The following NAA15 variants were observed in gnomAD, a reference collection of about 807,000 sequenced individuals.
NAA15 encodes the protein N-alpha-acetyltransferase 15, NatA auxiliary subunit.
In NAA15, 34 loss-of-function variants were observed where a neutral mutation model predicts 114.0. The ratio of observed to expected loss-of-function variants is 0.30; its 90% CI spans 0.23 to 0.40. The LOEUF is 0.40. Among genes scored for constraint, NAA15 ranks in the 10% least tolerant of loss-of-function variants. The pLI is 1.00. For missense variants in NAA15, 658 were observed against 1,004.5 expected, an observed-to-expected ratio of 0.66 and a Z score of 4.66; for synonymous variants, 340 against 338.0, an observed-to-expected ratio of 1.01 and a Z score of -0.06.
Position 139,387,866 on chromosome 4 carries a change from C to G in NAA15, c.2401-18C>G. On this transcript the variant is annotated intron_variant, in intron 19 of 19. Transcript: ENST00000296543. ...CTTTTTTTGACCAGTTACAACATGACTTTTTTTCTTTCCTTAGACATGTAT... is the reference window on the plus strand; with the variant it reads ...CTTTTTTTGACCAGTTACAACATGAGTTTTTTTCTTTCCTTAGACATGTAT... 1.2e-6 allele frequency: 2 copies of G among 1,603,734 alleles called. No homozygotes were observed. The highest frequency in any genetic ancestry group is 8.5e-7 in the Non-Finnish European group (1 of 1,174,758).
chr4:139,322,116 G>A (rs1241845915), intron 1 of NAA15, among the ~76,000 whole-genome samples: 7 of 152,104 alleles, frequency 4.6e-5, no homozygotes, highest in African/African-American at 1.7e-4. Context: ...AATAAAGATG[G>A]GTTGATATGG....
rs1373720261 is a variant in NAA15 at position 139,342,836 on chromosome 4, A to G, written c.413A>G (p.Tyr138Cys). The G allele has an allele frequency of 3.1e-6, 5 of 1,610,018 alleles. No homozygotes were observed. Residue 138 changes from tyrosine to cysteine, a missense_variant, in exon 5 of 20, where the codon TAT becomes TGT. Physicochemically the swap from Tyr to Cys is radical, Grantham distance 194. Around this residue, in one of 6 missense-constraint regions of NAA15, gnomAD observed 75 missense variants for 172.3 expected, o/e 0.44. Transcript: ENST00000296543. ...RDLEGYRETRYQLLQLRPAQR... is the reference protein window; with the variant it reads ...RDLEGYRETRCQLLQLRPAQR... Reference sequence around the variant, plus strand: ...TTTTTCCTTTTAAAGGAAACGAGGTATCAGTTACTTCAGCTTCGACCTGCG... The same window carrying G: ...TTTTTCCTTTTAAAGGAAACGAGGTGTCAGTTACTTCAGCTTCGACCTGCG...
At position 139,369,849 on chromosome 4, in the gene NAA15, G is replaced by T. The variant is rs528001515; in HGVS notation, c.1754-362G>T. On this transcript the variant is annotated intron_variant, in intron 14 of 19. Coordinates refer to ENST00000296543, the MANE Select transcript of NAA15 (RefSeq NM_057175.5). Reference sequence around the variant, plus strand: ...GACAGAGTTTCGCTCTTGTTTCCTAGGCTGGAGTGTAGTGGTGTGATCTTG... The same window carrying T: ...GACAGAGTTTCGCTCTTGTTTCCTATGCTGGAGTGTAGTGGTGTGATCTTG... Among the ~76,000 whole-genome samples, 23 of 151,938 alleles carry T rather than the reference G, an allele frequency of 1.5e-4. No homozygotes were observed. In the South Asian group the frequency reaches 3.5e-3, roughly 23 times the overall value.
chr4:139,364,180 T>C (rs1579125717), intron 14 of NAA15, among the ~76,000 whole-genome samples: 1 of 152,380 alleles, frequency 6.6e-6, no homozygotes, highest in Middle Eastern at 3.4e-3. Flanking sequence ...TTGACCAATT[T>C]CTAGATTTTT....
chr4:139,319,163 G>A (rs927230537), intron 1 of NAA15, among the ~76,000 whole-genome samples: 2 of 152,034 alleles, frequency 1.3e-5, no homozygotes, highest in South Asian at 2.1e-4. Context: ...GCATGGTGGC[G>A]CATGCCTGTA....
chr4:139,360,668 G>C (rs202179779), intron 13 of NAA15, 40 bp downstream of exon 13: 1 of 1,523,298 alleles, frequency 6.6e-7, no homozygotes, highest in African/African-American at 1.4e-5. Context: ...GTTTTATTCT[G>C]TCGATGGTTT....
chr4:139,333,370 T>G (rs760477809), intron 1 of NAA15, among the ~76,000 whole-genome samples: 1 of 152,228 alleles, frequency 6.6e-6, no homozygotes, highest in African/African-American at 2.4e-5. Context: ...TGCATTGCTA[T>G]TCTGATTATA....
In NAA15 at chr4:139,328,058, T is replaced by C. The variant is rs149265450; in HGVS notation, c.55-6116T>C. Among the ~76,000 whole-genome samples, 80 of 152,302 alleles carry C rather than the reference T, an allele frequency of 5.3e-4. No individual in the cohort carries two copies. The East Asian group carries it at 0.013, about 26-fold the overall frequency. Reference sequence around the variant, plus strand: ...CCACTAATTATATTTTTCTACATTATCTTTTCTCTCTCTTTCATTGAGGTG... The same window carrying C: ...CCACTAATTATATTTTTCTACATTACCTTTTCTCTCTCTTTCATTGAGGTG... On this transcript the variant is annotated intron_variant, in intron 1 of 19. Coordinates refer to ENST00000296543, the MANE Select transcript of NAA15 (RefSeq NM_057175.5).
In NAA15 at chr4:139,342,814, T is replaced by TG. The variant is rs772733095; in HGVS notation, c.403-12_403-11insG. 7.5e-6 allele frequency: 12 copies of TG among 1,599,230 alleles called. No individual in the cohort carries two copies. Among genetic ancestry groups the TG allele is most frequent in the Non-Finnish European group, 8.5e-7 (1 of 1,175,868 alleles). ...AGCCTAAGAAAAAGTGTTTATTTTT[T>TG]TCCTTTTAAAGGAAACGAGGTATCA... On this transcript the variant is annotated splice_polypyrimidine_tract_variant and intron_variant, in intron 4 of 19. Coordinates refer to ENST00000296543, the MANE Select transcript of NAA15 (RefSeq NM_057175.5).
intron 1 of NAA15, among the ~76,000 whole-genome samples, chr4:139,308,659 C>T (rs115078006): frequency 0.14 from 20,620 of 152,140 alleles, 1,760 homozygotes; most frequent in Non-Finnish European, 0.19. Flanking sequence ...AGTACAGTGG[C>T]GTGATCTCAG....
Position 139,390,861 on chromosome 4 carries a change from T to A in NAA15, c.*2777T>A, listed in dbSNP as rs577268284. The A allele has an allele frequency of 6.6e-6, 1 of 152,158 alleles. No homozygotes were observed. The highest frequency in any genetic ancestry group is 1.5e-5 in the Non-Finnish European group (1 of 68,026). The allele number at this position is 152,158 out of a possible 1,614,324, so 9.4% of individuals were successfully genotyped here. The stretch of plus-strand genomic sequence containing the variant: ...TATCAGGCCCTTGTTTTTCACAGTG[T>A]TGTTTGTACTCCATGGTGTATTGCT... On this transcript the variant is annotated 3_prime_UTR_variant, in exon 20 of 20. Coordinates refer to ENST00000296543, the MANE Select transcript of NAA15 (RefSeq NM_057175.5).
chr4:139,314,290 T>C (rs1746310356), intron 1 of NAA15, among the ~76,000 whole-genome samples: 1 of 151,846 alleles, frequency 6.6e-6, no homozygotes, highest in Non-Finnish European at 1.5e-5. Flanking sequence ...GAGGTGTGTG[T>C]CTGGGTGCTG....
chr4:139,373,909 T>G (rs1010195596), intron 15 of NAA15, among the ~76,000 whole-genome samples: 2 of 152,160 alleles, frequency 1.3e-5, no homozygotes, highest in Non-Finnish European at 2.9e-5. Flanking sequence ...TTCACCATGT[T>G]GGCCAGGCTG....
chr4:139,317,149 G>C (rs1181618617), intron 1 of NAA15, among the ~76,000 whole-genome samples: 1 of 151,744 alleles, frequency 6.6e-6, no homozygotes, highest in African/African-American at 2.4e-5. Flanking sequence ...CTGCTATATT[G>C]CTCTTCTGGA....
intron 15 of NAA15, among the ~76,000 whole-genome samples, chr4:139,371,001 A>T (rs1748420748): frequency 6.6e-6 from 1 of 152,234 alleles, no homozygotes; most frequent in South Asian, 2.1e-4. Flanking sequence ...GCTGAAACCA[A>T]GATACTCATT....
Position 139,389,358 on chromosome 4 carries a change from C to A in NAA15, c.*1274C>A, listed in dbSNP as rs1188303653. On this transcript the variant is annotated 3_prime_UTR_variant, in exon 20 of 20. Transcript: ENST00000296543. ...ATTTCAACTAATCTGTGTTGGGCTT[C>A]TGTGAAATACACAGGTGGAAACAGA... 2 of 152,556 alleles carry A rather than the reference C, an allele frequency of 1.3e-5. No individual in the cohort carries two copies. Among genetic ancestry groups the A allele is most frequent in the African/African-American group, 4.8e-5 (2 of 41,410 alleles). The allele number at this position is 152,556 out of a possible 1,614,324, so 9.5% of individuals were successfully genotyped here. A position where few individuals can be genotyped will look rare whatever the true frequency, so the allele number is the denominator to read the frequency against.
intron 14 of NAA15, among the ~76,000 whole-genome samples, chr4:139,363,801 G>A (rs1748202665): frequency 6.6e-6 from 1 of 152,186 alleles, no homozygotes; most frequent in South Asian, 2.1e-4. Context: ...ATTATTGCCA[G>A]CTCTGAAGGT....
chr4:139,307,986 C>G (rs905167009), intron 1 of NAA15, among the ~76,000 whole-genome samples: 1 of 151,624 alleles, frequency 6.6e-6, no homozygotes, highest in African/African-American at 2.4e-5. Flanking sequence ...TTTTTTGAGA[C>G]GGAGTCTCAC....
chr4:139,301,986 C>T (rs1023684473), intron 1 of NAA15, 155 bp downstream of exon 1: 2 of 765,476 alleles, frequency 2.6e-6, no homozygotes, highest in Non-Finnish European at 4.0e-6. Flanking sequence ...TGCTCCCTCT[C>T]TGTGGTTCCT....
Sources: allele counts gnomAD v4.1 joint callset (sites outside exome capture counted in the v4.1 genomes callset), GRCh38; gene constraint gnomAD v4.1.1; regional missense constraint gnomAD v4.1.1; transcripts MANE v1.5; gene names NCBI Gene and HGNC (gene_info 2026-07-23, HGNC 2026-07-21).